Variants in PRKN observed in about 807,000 individuals in gnomAD.
PRKN encodes the protein E3 ubiquitin-protein ligase parkin.
A neutral mutation model predicts 59.5 loss-of-function variants in PRKN; 56 were observed. The ratio of observed to expected loss-of-function variants is 0.94; its 90% CI spans 0.76 to 1.18. The LOEUF (loss-of-function observed/expected upper bound fraction) is 1.18, where lower values mean the gene tolerates loss of function less well. Among genes scored for constraint, PRKN ranks in the 50% most tolerant of loss-of-function variants. The pLI is 0.00. For synonymous variants in PRKN, 250 were observed against 222.1 expected, an observed-to-expected ratio of 1.13 and a Z score of -1.12; for missense variants, 657 against 596.4, an observed-to-expected ratio of 1.10 and a Z score of -1.06.
intron 5 of PRKN, 46 bp from the exon 6 acceptor site, chr6:161,973,463 C>A: frequency 1.9e-6 from 2 of 1,030,344 alleles, no homozygotes; most frequent in South Asian, 2.6e-5. Context: ...CCCGGCTGCT[C>A]ATTTTTCCTC....
chr6:162,155,529 C>T (rs1384626057), intron 4 of PRKN, among the ~76,000 whole-genome samples: 1 of 152,008 alleles, frequency 6.6e-6, no homozygotes, highest in African/African-American at 2.4e-5. Context: ...ATCATAGATA[C>T]AGACAGAACT....
At chr6:161,850,475 C>A (rs1793381252) in intron 6 of PRKN, among the ~76,000 whole-genome samples, 1 of 147,038 alleles carries the variant, frequency 6.8e-6, no homozygotes, top group South Asian at 2.2e-4. Flanking sequence ...ACTTGGGAGG[C>A]TGAGGCAGGA....
intron 6 of PRKN, among the ~76,000 whole-genome samples, chr6:161,961,792 C>A (rs1310380080): frequency 6.6e-6 from 1 of 151,522 alleles, no homozygotes; most frequent in Non-Finnish European, 1.5e-5. Context: ...GACTAATCTC[C>A]TTTTACCTTA....
chr6:162,338,849 G>T (rs1783981873), intron 2 of PRKN, among the ~76,000 whole-genome samples: 1 of 150,990 alleles, frequency 6.6e-6, no homozygotes, highest in South Asian at 2.1e-4. Flanking sequence ...GAAGTGAGGA[G>T]CGTCTCTGCC....
chr6:162,334,013 A>G (rs1469415678), intron 2 of PRKN, among the ~76,000 whole-genome samples: 2 of 152,216 alleles, frequency 1.3e-5, no homozygotes, highest in Non-Finnish European at 2.9e-5. Flanking sequence ...CCTAAAGCCA[A>G]AGCCTAATCT....
intron 6 of PRKN, among the ~76,000 whole-genome samples, chr6:161,912,851 A>G (rs1778414568): frequency 6.6e-6 from 1 of 152,180 alleles, no homozygotes; most frequent in African/African-American, 2.4e-5. Flanking sequence ...AACCCTCAGA[A>G]TTTTAAAAAG....
Position 162,056,254 on chromosome 6 carries a change from C to T in PRKN, c.535-2080G>A, listed in dbSNP as rs1777861758. Among the ~76,000 whole-genome samples, 1 of 151,494 alleles carries T rather than the reference C, an allele frequency of 6.6e-6. No homozygotes were observed. The highest frequency in any genetic ancestry group is 2.4e-5 in the African/African-American group (1 of 41,214). ...ACGCCTAACACACCCCACACACATA[C>T]ATCCAAACACATACATGCACACCAA... On this transcript the variant is annotated intron_variant, in intron 4 of 11. Coordinates refer to ENST00000366898, the MANE Select transcript of PRKN (RefSeq NM_004562.3). This position sits in a 1 kb window ranked among gnomAD's most constrained non-coding sequence, Gnocchi z 4.9.
intron 4 of PRKN, among the ~76,000 whole-genome samples, chr6:162,125,933 G>A (rs1051617565): frequency 6.6e-5 from 10 of 152,126 alleles, no homozygotes; most frequent in Admixed American, 1.3e-4. Context: ...TACCTGCTAC[G>A]AAGATCGTCA....
Position 161,445,018 on chromosome 6 carries a change from TAACC to T in PRKN, c.1084-58145_1084-58142del, listed in dbSNP as rs60272722. Among the ~76,000 whole-genome samples, 5,515 of 152,164 alleles carry T rather than the reference TAACC, an allele frequency of 0.036. 338 individuals carry two copies. Among genetic ancestry groups the T allele is most frequent in the African/African-American group, 0.12 (5,169 of 41,462 alleles). On this transcript the variant is annotated intron_variant, in intron 9 of 11. Transcript: ENST00000366898. This position sits in a 1 kb window ranked among gnomAD's most constrained non-coding sequence, Gnocchi z 7.7. Reference sequence around the variant, plus strand: ...TTTTTTTGTTTTTTTAATCTCTAGGTAACCAACCCCTGCCTACATTTTACTCTGG... The same window carrying T: ...TTTTTTTGTTTTTTTAATCTCTAGGTAACCCCTGCCTACATTTTACTCTGG...
chr6:162,015,210 C>T (rs561078297), intron 5 of PRKN, among the ~76,000 whole-genome samples: 3 of 152,160 alleles, frequency 2.0e-5, no homozygotes, highest in African/African-American at 7.2e-5. Context: ...GCTAACAAAT[C>T]GCTAAACTGT....
chr6:161,888,637 C>G (rs1364277420), intron 6 of PRKN, among the ~76,000 whole-genome samples: 1 of 152,180 alleles, frequency 6.6e-6, no homozygotes, highest in East Asian at 1.9e-4. Context: ...TTGAGAACCA[C>G]TGGTGTAGGC....
chr6:162,229,960 A>G (rs1778351635), intron 3 of PRKN, among the ~76,000 whole-genome samples: 1 of 152,114 alleles, frequency 6.6e-6, no homozygotes, highest in Admixed American at 6.6e-5. Flanking sequence ...TGTTTTCACC[A>G]TTACATCTGA....
chr6:161,750,768 CA>C (rs112951182), intron 7 of PRKN, among the ~76,000 whole-genome samples: 2,983 of 106,028 alleles, frequency 0.028, 21 homozygotes, highest in African/African-American at 0.043. Flanking sequence ...ACTCTTGTCT[CA>C]AAAAAAAAAA....
intron 7 of PRKN, among the ~76,000 whole-genome samples, chr6:161,643,539 T>C (rs1783816455): frequency 6.6e-6 from 1 of 152,236 alleles, no homozygotes; most frequent in Non-Finnish European, 1.5e-5. Flanking sequence ...ACCAAAAAGT[T>C]AAATTCATTT....
chr6:161,650,566 G>A (rs1209635628), intron 7 of PRKN, among the ~76,000 whole-genome samples: 1 of 152,146 alleles, frequency 6.6e-6, no homozygotes, highest in Non-Finnish European at 1.5e-5. Context: ...GGGAGAGAGA[G>A]GCAGAGAGAA....
chr6:161,875,322 T>C (rs1429111339), intron 6 of PRKN, among the ~76,000 whole-genome samples: 2 of 151,144 alleles, frequency 1.3e-5, no homozygotes, highest in Admixed American at 6.6e-5. Context: ...AGCCTCCCAG[T>C]AGCTGGGATT....
intron 4 of PRKN, among the ~76,000 whole-genome samples, chr6:162,097,372 G>A (rs1030580593): frequency 1.3e-5 from 2 of 152,188 alleles, no homozygotes; most frequent in Non-Finnish European, 2.9e-5. Flanking sequence ...CTGTCCCAAA[G>A]TCTGTAAGAG....
intron 9 of PRKN, among the ~76,000 whole-genome samples, chr6:161,479,791 C>T (rs1287443589): frequency 6.6e-6 from 1 of 152,220 alleles, no homozygotes; most frequent in African/African-American, 2.4e-5. Flanking sequence ...GCCGGGGTCA[C>T]TGGGGCACCC....
chr6:161,374,514 G>T (rs200091809), intron 10 of PRKN, among the ~76,000 whole-genome samples: 1 of 145,730 alleles, frequency 6.9e-6, no homozygotes, highest in Admixed American at 6.9e-5. Flanking sequence ...TGTATGTGTG[G>T]TGTGTGTAAT....
Sources: gnomAD v4.1 joint callset for allele counts (sites outside exome capture counted in the v4.1 genomes callset) on GRCh38, gnomAD v4.1.1 for gene constraint, Gnocchi (gnomAD v3.1) non-coding constraint, MANE v1.5 for transcripts, NCBI Gene and HGNC (gene_info 2026-07-23, HGNC 2026-07-21) for gene names.